CD276: variants seen among roughly 807,000 people sequenced by gnomAD.
The protein encoded by CD276 is CD276 antigen.
A neutral mutation model predicts 50.0 loss-of-function variants in CD276; 34 were observed. That is an observed-to-expected ratio of 0.68 (90% CI 0.52 to 0.91). The LOEUF is 0.91. CD276 is among the 40% of genes least tolerant of loss of function. CD276 has a pLI of 0.00. For missense variants in CD276, 634 were observed against 717.5 expected (o/e 0.88, Z 1.33); for synonymous variants, 275 against 313.0 (o/e 0.88, Z 1.28).
intron 1 of CD276, among the ~76,000 whole-genome samples, chr15:73,692,566 C>T (rs917078048): frequency 3.9e-5 from 6 of 152,144 alleles, no homozygotes; most frequent in African/African-American, 1.4e-4. Flanking sequence ...TGGCTTTCAA[C>T]AAAACTGGCC....
intron 6 of CD276, among the ~76,000 whole-genome samples, chr15:73,706,938 T>C (rs1393469617): frequency 1.3e-5 from 2 of 150,440 alleles, no homozygotes; most frequent in Non-Finnish European, 2.9e-5. Context: ...CAGAGCCCCA[T>C]GATGGGATTT....
intron 1 of CD276, among the ~76,000 whole-genome samples, chr15:73,686,684 A>T (rs1392034688): frequency 1.3e-5 from 2 of 152,126 alleles, no homozygotes; most frequent in Admixed American, 6.5e-5. Flanking sequence ...ATGCAGTGTG[A>T]TAAGAGAGCT....
At chr15:73,711,260 T>C in intron 9 of CD276, 90 bp downstream of exon 9, 2 of 1,392,868 alleles carry the variant, frequency 1.4e-6, no homozygotes, top group Non-Finnish European at 1.0e-6. Flanking sequence ...ATCCTTTCAC[T>C]AGTGACCTGA....
chr15:73,708,305 A>T (rs1165944514), intron 6 of CD276, 34 bp from the exon 7 acceptor site: 1 of 1,609,824 alleles, frequency 6.2e-7, no homozygotes, highest in African/African-American at 1.3e-5. Context: ...GGGGCCAGGC[A>T]TGACAGTCTC....
In CD276 at chr15:73,704,674, A is replaced by G. The variant is rs1252969642; in HGVS notation, c.1369+202A>G. ...CATTTATAATGTTTGCCTTCCTAAG[A>G]GTGCTTTTCGTGGCACTTATGCTTC... On this transcript the variant is annotated intron_variant, in intron 6 of 9. Coordinates refer to ENST00000318443, the MANE Select transcript of CD276 (RefSeq NM_001024736.2). This position sits in a 1 kb window ranked among gnomAD's most constrained non-coding sequence, Gnocchi z 4.1. 6.6e-6 allele frequency among the ~76,000 whole-genome samples: 1 copy of G among 152,182 alleles called. No homozygotes were observed. Among genetic ancestry groups the G allele is most frequent in the East Asian group, 1.9e-4 (1 of 5,186 alleles).
At chr15:73,692,228 G>A (rs1900015133) in intron 1 of CD276, among the ~76,000 whole-genome samples, 1 of 152,152 alleles carries the variant, frequency 6.6e-6, no homozygotes, top group Non-Finnish European at 1.5e-5. Flanking sequence ...AGCCCCCAGT[G>A]AATGGCTTGA....
chr15:73,697,124 C>T (rs1228770875), intron 1 of CD276, among the ~76,000 whole-genome samples: 2 of 152,166 alleles, frequency 1.3e-5, no homozygotes, highest in African/African-American at 4.8e-5. Flanking sequence ...TCCTGTGGGC[C>T]TCAGGGTGGC....
At chr15:73,702,213 C>T (rs752156480) in intron 2 of CD276, 42 bp from the exon 3 acceptor site, 1 of 1,490,818 alleles carries the variant, frequency 6.7e-7, no homozygotes, top group Non-Finnish European at 9.0e-7. Flanking sequence ...GCCCACCCCT[C>T]CTCAGTCCCC....
At position 73,713,018 on chromosome 15, in the gene CD276, C is replaced by T. The variant is rs1900972646; in HGVS notation, c.*62C>T. 4.6e-6 allele frequency: 7 copies of T among 1,523,564 alleles called. No individual in the cohort carries two copies. The highest frequency in any genetic ancestry group is 5.4e-6 in the Non-Finnish European group (6 of 1,104,276). The allele number at this position is 1,523,564 out of a possible 1,614,324, so 94.4% of individuals were successfully genotyped here. On this transcript the variant is annotated 3_prime_UTR_variant, in exon 10 of 10. Coordinates refer to ENST00000318443, the MANE Select transcript of CD276 (RefSeq NM_001024736.2). ...CTCCTACCCTCTGGCTGCAATGGGGCTGCACTGTGAGCCCTGCCCCCAACA... is the reference window on the plus strand; with the variant it reads ...CTCCTACCCTCTGGCTGCAATGGGGTTGCACTGTGAGCCCTGCCCCCAACA...
chr15:73,690,314 G>A (rs138596346), intron 1 of CD276, among the ~76,000 whole-genome samples: 17 of 152,326 alleles, frequency 1.1e-4, no homozygotes, highest in African/African-American at 3.4e-4. Flanking sequence ...CAGACTGGGT[G>A]CAATGAATGA....
At chr15:73,708,633 C>G in intron 7 of CD276, 160 bp downstream of exon 7, 1 of 786,564 alleles carries the variant, frequency 1.3e-6, no homozygotes, top group Non-Finnish European at 2.0e-6. Context: ...GAGTCTACGT[C>G]TTGTGTGTGT....
In CD276 at chr15:73,704,870, T is replaced by C. The variant is rs976057262; in HGVS notation, c.1369+398T>C. Reference sequence around the variant, plus strand: ...GTGGGCGCCATCTGATTCTGAAGCCTGAGTGACAGCTGGCCCTCCCTAGTT... The same window carrying C: ...GTGGGCGCCATCTGATTCTGAAGCCCGAGTGACAGCTGGCCCTCCCTAGTT... On this transcript the variant is annotated intron_variant, in intron 6 of 9. Coordinates refer to ENST00000318443, the MANE Select transcript of CD276 (RefSeq NM_001024736.2). The surrounding 1 kb of genome is among the most constrained non-coding windows in gnomAD (Gnocchi z 4.1). Among the ~76,000 whole-genome samples, 1 of 152,184 alleles carries C rather than the reference T, an allele frequency of 6.6e-6. No individual in the cohort carries two copies. The highest frequency in any genetic ancestry group is 1.5e-5 in the Non-Finnish European group (1 of 68,028).
At position 73,687,562 on chromosome 15, in the gene CD276, T is replaced by C. The variant is rs1200260246; in HGVS notation, c.-55+3102T>C. Among the ~76,000 whole-genome samples the C allele has an allele frequency of 6.6e-6, 1 of 152,224 alleles. No homozygotes were observed. The highest frequency in any genetic ancestry group is 1.5e-5 in the Non-Finnish European group (1 of 68,026). ...GGCCTGACCTGGGTGACCCAGTGAC[T>C]AGTGGCCTTCACAGCATAGTCAGGG... On this transcript the variant is annotated intron_variant, in intron 1 of 9. Coordinates refer to ENST00000318443, the MANE Select transcript of CD276 (RefSeq NM_001024736.2). The surrounding 1 kb of genome is among the most constrained non-coding windows in gnomAD (Gnocchi z 4.0).
intron 1 of CD276, among the ~76,000 whole-genome samples, chr15:73,694,962 C>T (rs751769297): frequency 2.0e-5 from 3 of 152,200 alleles, no homozygotes; most frequent in Non-Finnish European, 4.4e-5. Flanking sequence ...GATTGCACCA[C>T]TGAACTATGA....
rs149927576 is a variant in CD276, at chr15:73,702,392, A to C, written c.217A>C (p.Lys73Gln). 6.2e-7 allele frequency: 1 copy of C among 1,613,642 alleles called. No individual in the cohort carries two copies. The highest frequency in any genetic ancestry group is 1.3e-5 in the African/African-American group (1 of 74,920). Residue 73 changes from lysine to glutamine, a missense_variant, in exon 3 of 10, where the codon AAA (lysine) becomes CAA (glutamine). Physicochemically the swap from Lys to Gln is moderately conservative, Grantham distance 53. Transcript: ENST00000318443. ...LNLIWQLTDT[K>Q]QLVHSFAEGQ... is the part of the protein sequence containing the mutation. ...CCTCATCTGGCAGCTGACAGATACC[A>C]AACAGCTGGTGCACAGCTTTGCTGA...
chr15:73,703,912 C>T lies in CD276; in HGVS notation c.987C>T (p.Arg329=), dbSNP rs547095772. The T allele has an allele frequency of 2.2e-4, 362 of 1,613,434 alleles. 1 individual carries two copies. The highest frequency in any genetic ancestry group is 2.9e-4 in the Non-Finnish European group (344 of 1,180,004). Residue 329 remains arginine (R), a synonymous_variant, in exon 5 of 10, where the codon CGC becomes CGT. Coordinates refer to ENST00000318443, the MANE Select transcript of CD276 (RefSeq NM_001024736.2). ...GCAATGCATCCCTGAGGCTGCAGCG[C>T]GTGCGTGTGGCGGACGAGGGCAGCT... is the stretch of plus-strand genomic sequence containing the variant. ...AQGNASLRLQ[R]VRVADEGSFT... is the part of the protein sequence containing the mutation.
At position 73,709,685 on chromosome 15, in the gene CD276, G is replaced by A; in HGVS notation, c.1542G>A (p.Lys514=). Residue 514 remains lysine (K), a synonymous_variant, in exon 8 of 10, where the codon AAG becomes AAA. Coordinates refer to ENST00000318443, the MANE Select transcript of CD276 (RefSeq NM_001024736.2). ...EDQDGEGEGS[K]TALQPLKHSD... is the part of the protein sequence containing the mutation. ...AGGATGGGGAGGGAGAAGGCTCCAA[G>A]ACAGGTGAGTCTGAACTTGGAGCTG... 1 of 1,612,612 alleles carries A rather than the reference G, an allele frequency of 6.2e-7. No homozygotes were observed. Among genetic ancestry groups the A allele is most frequent in the South Asian group, 1.1e-5 (1 of 90,752 alleles).
rs1012593618 is a variant in CD276, at chr15:73,704,710, G to A, written c.1369+238G>A. On this transcript the variant is annotated intron_variant, in intron 6 of 9. Transcript: ENST00000318443. This position sits in a 1 kb window ranked among gnomAD's most constrained non-coding sequence, Gnocchi z 4.1. ...TGGCACTTATGCTTCTTATGCAGAGGACAAGGTACCTGCCCGAAATTTGGA... is the reference window on the plus strand; with the variant it reads ...TGGCACTTATGCTTCTTATGCAGAGAACAAGGTACCTGCCCGAAATTTGGA... 2.1e-4 allele frequency among the ~76,000 whole-genome samples: 32 copies of A among 152,178 alleles called. No individual in the cohort carries two copies. The highest frequency in any genetic ancestry group is 7.5e-4 in the African/African-American group (31 of 41,436).
At chr15:73,684,306 G>C (rs1368736613), upstream of CD276, 1 of 151,906 alleles carries the variant, frequency 6.6e-6, no homozygotes, top group African/African-American at 2.4e-5. Context: ...CACCGGAGCC[G>C]CCTTTCCGGG....
Sources: allele counts gnomAD v4.1 joint callset (sites outside exome capture counted in the v4.1 genomes callset), GRCh38; gene constraint gnomAD v4.1.1; non-coding constraint Gnocchi (gnomAD v3.1); transcripts MANE v1.5; gene names NCBI Gene and HGNC (gene_info 2026-07-23, HGNC 2026-07-21).